The following ZNF676 variants were observed in gnomAD, a reference collection of about 807,000 sequenced individuals.
ZNF676 encodes the protein zinc finger protein 676.
A neutral mutation model predicts 6.0 loss-of-function variants in ZNF676; 4 were observed. The ratio of observed to expected loss-of-function variants is 0.67; its 90% confidence interval spans 0.33 to 1.53. The LOEUF (loss-of-function observed/expected upper bound fraction) is 1.53, where lower values mean the gene tolerates loss of function less well. ZNF676 is among the 40% of genes most tolerant of loss of function. ZNF676 has a pLI of 0.06. For missense variants in ZNF676, 644 were observed against 679.7 expected (o/e 0.95, Z 0.58); for synonymous variants, 198 against 223.1 (o/e 0.89, Z 1.00).
upstream of ZNF676, among the ~76,000 whole-genome samples, chr19:22,216,637 C>A (rs1187176874): frequency 6.7e-6 from 1 of 149,452 alleles, no homozygotes; most frequent in Non-Finnish European, 1.5e-5. Flanking sequence ...CTTGAAACAA[C>A]CTTAAGCTGT....
the ZNF676 span, chr19:22,245,067 G>T: frequency 6.6e-6 from 1 of 152,246 alleles, no homozygotes; most frequent in East Asian, 1.9e-4. Flanking sequence ...TGGAACAGTG[G>T]TACATCACAA....
intron 1 of ZNF676, among the ~76,000 whole-genome samples, chr19:22,212,192 T>G (rs1432570463): frequency 9.2e-6 from 1 of 109,198 alleles, no homozygotes; most frequent in Non-Finnish European, 1.9e-5. Flanking sequence ...AGAGCGAGAT[T>G]CTGTCTCAAA....
At chr19:22,192,934 G>GCTTT in intron 2 of ZNF676, 82 bp downstream of exon 2, 1 of 1,370,832 alleles carries the variant, frequency 7.3e-7, no homozygotes, top group Non-Finnish European at 9.6e-7. Flanking sequence ...TTGGAACACA[G>GCTTT]CTTCCCAAAT....
At chr19:22,215,730 G>A (rs548195883) in exon 1 of ZNF676, 157 of 1,498,808 alleles carry the variant, frequency 1.0e-4, no homozygotes, top group Non-Finnish European at 1.3e-4. Flanking sequence ...GGAACAGTAA[G>A]GACAAGGCCT....
intron 1 of ZNF676, among the ~76,000 whole-genome samples, chr19:22,214,625 T>C (rs2024164724): frequency 1.4e-5 from 2 of 147,720 alleles, no homozygotes; most frequent in African/African-American, 2.5e-5. Context: ...AAAATCTAAT[T>C]CAAATGTATT....
At chr19:22,190,799 G>A (rs1446882705) in intron 2 of ZNF676, among the ~76,000 whole-genome samples, 1 of 150,888 alleles carries the variant, frequency 6.6e-6, no homozygotes, top group African/African-American at 2.4e-5. Context: ...TAAAAATACT[G>A]GAATATCACT....
At chr19:22,207,980 T>TTA (rs2024092404) in intron 1 of ZNF676, among the ~76,000 whole-genome samples, 1 of 129,198 alleles carries the variant, frequency 7.7e-6, no homozygotes, top group African/African-American at 3.1e-5. Context: ...ATCTTAAAAA[T>TTA]TATAAAAAAA....
intron 1 of ZNF676, among the ~76,000 whole-genome samples, chr19:22,193,808 C>T (rs2023939620): frequency 6.6e-6 from 1 of 152,086 alleles, no homozygotes; most frequent in Non-Finnish European, 1.5e-5. Context: ...TACATGAGCA[C>T]ACTCCTGTAC....
chr19:22,241,896 C>T, the ZNF676 span, among the ~76,000 whole-genome samples: 1 of 151,750 alleles, frequency 6.6e-6, no homozygotes, highest in Non-Finnish European at 1.5e-5. Flanking sequence ...CAAGAACTCT[C>T]CAGTACACTG....
intron 1 of ZNF676, among the ~76,000 whole-genome samples, chr19:22,215,280 G>T (rs1400066269): frequency 1.3e-5 from 2 of 152,050 alleles, no homozygotes; most frequent in Non-Finnish European, 2.9e-5. Context: ...CAGGAACTGG[G>T]AGCCTCACGG....
At chr19:22,254,246 G>T in the ZNF676 span, among the ~76,000 whole-genome samples, 1 of 152,038 alleles carries the variant, frequency 6.6e-6, no homozygotes, top group Non-Finnish European at 1.5e-5. Flanking sequence ...TGGGTGCTGA[G>T]CCCAGTGATA....
chr19:22,215,809 G>C, upstream of ZNF676: 1 of 595,742 alleles, frequency 1.7e-6, no homozygotes, highest in Non-Finnish European at 2.8e-6. Context: ...CCCCCCCCCA[G>C]CTGCCTGCCT....
chr19:22,257,023 G>T, the ZNF676 span, among the ~76,000 whole-genome samples: 2 of 152,114 alleles, frequency 1.3e-5, no homozygotes, highest in Non-Finnish European at 2.9e-5. Context: ...TCACCTAAAT[G>T]CTGAGTCCAG....
chr19:22,183,557 G>A (rs2145787717), intron 2 of ZNF676, among the ~76,000 whole-genome samples: 1 of 80,986 alleles, frequency 1.2e-5, no homozygotes, highest in Non-Finnish European at 2.4e-5. Context: ...AGGCTGGTCT[G>A]GAACCCCTCA....
intron 2 of ZNF676, among the ~76,000 whole-genome samples, chr19:22,188,550 A>C (rs578007737): frequency 2.6e-5 from 4 of 152,318 alleles, no homozygotes; most frequent in African/African-American, 9.6e-5. Flanking sequence ...ATATTCAAAT[A>C]GGAAAAGAGG....
rs371737966 is a variant in ZNF676 at position 22,181,459 on chromosome 19, G to T, written c.258C>A (p.Thr86=). ...TGTGCACGTTACACTCATCCACATT[G>T]GTACAACTAATTTTTAAGTGTAAAT... is the stretch of plus-strand genomic sequence containing the variant. ...HENLHLKISC[T]NVDECNVHKE... Residue 86 remains threonine (T), a synonymous_variant, in exon 3 of 3, where the codon ACC becomes ACA. Transcript: ENST00000397121. The T allele has an allele frequency of 1.2e-4, 200 of 1,613,374 alleles. No homozygotes were observed. The highest frequency in any genetic ancestry group is 5.5e-4 in the South Asian group (50 of 91,012).
intron 1 of ZNF676, among the ~76,000 whole-genome samples, chr19:22,206,056 A>C (rs912833149): frequency 6.8e-6 from 1 of 146,572 alleles, no homozygotes; most frequent in African/African-American, 2.5e-5. Context: ...CCCAAAACTC[A>C]ACACACACAC....
At chr19:22,242,801 A>T in the ZNF676 span, among the ~76,000 whole-genome samples, 3 of 149,978 alleles carry the variant, frequency 2.0e-5, no homozygotes, top group East Asian at 2.0e-4. Context: ...GAGTCAGGTA[A>T]CCTAGAAACT....
At chr19:22,255,701 C>T in the ZNF676 span, among the ~76,000 whole-genome samples, 2 of 151,960 alleles carry the variant, frequency 1.3e-5, no homozygotes, top group African/African-American at 4.8e-5. Context: ...AAAAATTAGC[C>T]AGGCGTGGTG....
Sources: allele counts gnomAD v4.1 joint callset (sites outside exome capture counted in the v4.1 genomes callset), GRCh38; gene constraint gnomAD v4.1.1; transcripts MANE v1.5; gene names NCBI Gene and HGNC (gene_info 2026-07-23, HGNC 2026-07-21).